The following LTBP1 variants were observed in gnomAD, a reference collection of about 807,000 sequenced individuals.
LTBP1 encodes the protein latent-transforming growth factor beta-binding protein 1.
LTBP1 carries 129 observed loss-of-function variants against 207.6 expected under a neutral mutation model. The ratio of observed to expected loss-of-function variants is 0.62; its 90% CI spans 0.54 to 0.72. The LOEUF is 0.72. Ranked by LOEUF, LTBP1 falls within the 30% of genes least tolerant of loss-of-function variation. LTBP1 has a pLI of 0.00. For missense variants in LTBP1, 2,281 were observed against 2,217.2 expected (o/e 1.03, Z -0.58); for synonymous variants, 963 against 833.7 (o/e 1.16, Z -2.67).
intron 29 of LTBP1, 29 bp from the exon 30 acceptor site, chr2:33,364,187 C>T (rs1480737201): frequency 6.2e-7 from 1 of 1,609,588 alleles, no homozygotes. Context: ...GGCTGATTTT[C>T]TTTAGTAATA....
chr2:33,102,818 G>A (rs1238994737), intron 3 of LTBP1, among the ~76,000 whole-genome samples: 2 of 152,082 alleles, frequency 1.3e-5, no homozygotes, highest in Non-Finnish European at 2.9e-5. Flanking sequence ...TCTGTAAGCT[G>A]TACGCATTGT....
chr2:33,238,204 A>G (rs2092141749), intron 9 of LTBP1, among the ~76,000 whole-genome samples: 1 of 152,234 alleles, frequency 6.6e-6, no homozygotes. Flanking sequence ...CTGAACACAC[A>G]CAGATGAATC....
chr2:32,967,859 A>G (rs1004603566), intron 2 of LTBP1, among the ~76,000 whole-genome samples: 17 of 152,172 alleles, frequency 1.1e-4, no homozygotes, highest in South Asian at 4.1e-4. Flanking sequence ...TTGAATTCCA[A>G]TTATGTCCTT....
chr2:33,274,872 A>T, intron 16 of LTBP1, 93 bp from the exon 17 acceptor site: 1 of 1,228,134 alleles, frequency 8.1e-7, no homozygotes, highest in Non-Finnish European at 1.2e-6. Context: ...GTTGGGTGGT[A>T]CCCAGGGAAT....
chr2:33,390,684 G>A (rs1051627379), intron 32 of LTBP1, among the ~76,000 whole-genome samples: 3 of 151,978 alleles, frequency 2.0e-5, no homozygotes, highest in Non-Finnish European at 4.4e-5. Context: ...GAGATGGGGG[G>A]TTTCACCATG....
intron 11 of LTBP1, among the ~76,000 whole-genome samples, chr2:33,254,209 T>C (rs1458674171): frequency 1.3e-5 from 2 of 152,170 alleles, no homozygotes; most frequent in Non-Finnish European, 2.9e-5. Flanking sequence ...ATCTTTATAA[T>C]TTATAGACAC....
At chr2:33,034,162 T>C (rs7599717) in intron 3 of LTBP1, among the ~76,000 whole-genome samples, 33,973 of 150,806 alleles carry the variant, frequency 0.23, 4,033 homozygotes, top group Admixed American at 0.32. Context: ...TTTGAGGGAA[T>C]GATGGCATGG....
intron 10 of LTBP1, among the ~76,000 whole-genome samples, chr2:33,245,582 G>A (rs916329573): frequency 3.3e-5 from 5 of 152,152 alleles, no homozygotes; most frequent in African/African-American, 1.2e-4. Flanking sequence ...CTAACGGGTG[G>A]TAAAATTAGA....
chr2:33,382,435 G>A (rs2095227209), intron 31 of LTBP1, among the ~76,000 whole-genome samples: 1 of 151,518 alleles, frequency 6.6e-6, no homozygotes. Flanking sequence ...ACATGCTTAT[G>A]ACTCTCTCTG....
intron 2 of LTBP1, among the ~76,000 whole-genome samples, chr2:32,976,008 G>A (rs767273400): frequency 6.6e-5 from 10 of 152,140 alleles, no homozygotes; most frequent in Non-Finnish European, 1.3e-4. Flanking sequence ...TTCTTGTGCT[G>A]TTTCTTTCTC....
intron 24 of LTBP1, among the ~76,000 whole-genome samples, chr2:33,341,410 AAGTT>A (rs1341979363): frequency 6.6e-6 from 1 of 151,844 alleles, no homozygotes; most frequent in East Asian, 1.9e-4. Context: ...TTGAGAAAAT[AAGTT>A]TAAAAGAGAA....
In LTBP1 at chr2:33,389,276, C is replaced by A. The variant is rs766151395; in HGVS notation, c.4804C>A (p.Pro1602Thr). Residue 1602 changes from proline to threonine, a missense_variant, in exon 32 of 34, where the codon CCA becomes ACA. By Grantham distance (38) the Pro-to-Thr change is conservative. Transcript: ENST00000404816. ...ALVDFSEQYT[P>T]EADPYFIQDR... is the part of the protein sequence containing the mutation. ...GGTTGACTTCAGTGAACAGTATACT[C>A]CAGAAGCCGATCCCTACTTCATCCA... 2.6e-5 allele frequency: 42 copies of A among 1,614,074 alleles called. No homozygotes were observed. Among genetic ancestry groups the A allele is most frequent in the Non-Finnish European group, 3.5e-5 (41 of 1,180,036 alleles).
chr2:32,973,869 A>C (rs1182708232), intron 2 of LTBP1, among the ~76,000 whole-genome samples: 1 of 152,152 alleles, frequency 6.6e-6, no homozygotes, highest in African/African-American at 2.4e-5. Flanking sequence ...TGCCTGGCTT[A>C]TTTCATGTCA....
intron 31 of LTBP1, among the ~76,000 whole-genome samples, chr2:33,379,594 T>C (rs1048727275): frequency 6.6e-6 from 1 of 152,212 alleles, no homozygotes; most frequent in Admixed American, 6.5e-5. Flanking sequence ...TTGCTAGGAC[T>C]GTATCTGATA....
At chr2:33,084,634 A>G (rs1276269703) in intron 3 of LTBP1, among the ~76,000 whole-genome samples, 1 of 152,178 alleles carries the variant, frequency 6.6e-6, no homozygotes, top group Non-Finnish European at 1.5e-5. Flanking sequence ...CTCTCTGGAA[A>G]CCACCATTGA....
At chr2:33,139,522 G>C (rs1194415472) in intron 5 of LTBP1, among the ~76,000 whole-genome samples, 1 of 152,214 alleles carries the variant, frequency 6.6e-6, no homozygotes, top group Non-Finnish European at 1.5e-5. Context: ...TTCTAGCTGA[G>C]GGAGGATGCT....
intron 24 of LTBP1, among the ~76,000 whole-genome samples, chr2:33,341,629 T>C (rs866084702): frequency 4.0e-4 from 60 of 148,710 alleles, no homozygotes; most frequent in African/African-American, 1.3e-3. Flanking sequence ...GAGAATGGCT[T>C]GAACCTGGGA....
intron 24 of LTBP1, among the ~76,000 whole-genome samples, chr2:33,334,437 G>C (rs1156424081): frequency 6.6e-6 from 1 of 152,192 alleles, no homozygotes; most frequent in Admixed American, 6.5e-5. Flanking sequence ...ATGAGTGTCT[G>C]AAAGCACAAA....
intron 3 of LTBP1, among the ~76,000 whole-genome samples, chr2:33,067,450 G>A (rs1182944693): frequency 6.6e-6 from 1 of 152,142 alleles, no homozygotes; most frequent in African/African-American, 2.4e-5. Context: ...TTGCATACCA[G>A]TTGTAGCAGA....
Sources: gnomAD v4.1 joint callset for allele counts (sites outside exome capture counted in the v4.1 genomes callset) on GRCh38, gnomAD v4.1.1 for gene constraint, MANE v1.5 for transcripts, NCBI Gene and HGNC (gene_info 2026-07-23, HGNC 2026-07-21) for gene names.